The following GPLD1 variants were observed in gnomAD, a reference collection of about 807,000 sequenced individuals.
GPLD1 encodes glycosylphosphatidylinositol specific phospholipase D1.
GPLD1 carries 84 observed loss-of-function variants against 112.6 expected under a neutral mutation model. The observed-to-expected ratio is 0.75, with a 90% CI of 0.63 to 0.89. The LOEUF is 0.89. Ranked by LOEUF, GPLD1 falls within the 40% of genes least tolerant of loss-of-function variation. The pLI, the probability that GPLD1 is intolerant of heterozygous loss-of-function variation, is 0.00. For missense variants in GPLD1, 1,044 were observed against 1,051.5 expected, an observed-to-expected ratio of 0.99 and a Z score of 0.10; for synonymous variants, 386 against 403.8, an observed-to-expected ratio of 0.96 and a Z score of 0.53.
chr6:24,432,825 C>T (rs1762450053), intron 24 of GPLD1, among the ~76,000 whole-genome samples: 1 of 152,182 alleles, frequency 6.6e-6, no homozygotes, highest in Non-Finnish European at 1.5e-5. Flanking sequence ...CGGCTATGTT[C>T]CACTACAGCT....
chr6:24,443,910 C>A (rs566658047), intron 20 of GPLD1, among the ~76,000 whole-genome samples: 32 of 152,172 alleles, frequency 2.1e-4, no homozygotes, highest in African/African-American at 6.0e-4. Context: ...CTGACCTCAA[C>A]TGATCCACCC....
At chr6:24,491,258 G>A (rs952653115), upstream of GPLD1, among the ~76,000 whole-genome samples, 1 of 152,200 alleles carries the variant, frequency 6.6e-6, no homozygotes, top group South Asian at 2.1e-4. Context: ...CTGTGCGTGA[G>A]GGAGTCACAA....
intron 2 of GPLD1, among the ~76,000 whole-genome samples, chr6:24,483,368 C>G (rs902351119): frequency 1.1e-4 from 17 of 150,726 alleles, no homozygotes; most frequent in African/African-American, 3.9e-4. Flanking sequence ...AAGAAACAGA[C>G]CAGTGAAATA....
chr6:24,437,401 C>T (rs942257253), intron 20 of GPLD1, 112 bp from the exon 21 acceptor site: 19 of 1,030,010 alleles, frequency 1.8e-5, no homozygotes, highest in Admixed American at 7.0e-5. Flanking sequence ...ACAGGACAGT[C>T]GGTTTCGGAG....
intron 2 of GPLD1, among the ~76,000 whole-genome samples, chr6:24,484,359 G>A (rs760112966): frequency 1.9e-4 from 29 of 152,184 alleles, no homozygotes; most frequent in Middle Eastern, 6.8e-3. Flanking sequence ...TAGACTATAG[G>A]TGTCTGCCAC....
Position 24,443,929 on chromosome 6 carries a change from C to T in GPLD1, c.2020+1617G>A, listed in dbSNP as rs138795218. On this transcript the variant is annotated intron_variant, in intron 20 of 24. Transcript: ENST00000230036. Reference sequence around the variant, plus strand: ...CCTCAACTGATCCACCCACCTCTGCCTCCCAAAGTGCCAGGATTACAGGCG... The same window carrying T: ...CCTCAACTGATCCACCCACCTCTGCTTCCCAAAGTGCCAGGATTACAGGCG... Among the ~76,000 whole-genome samples the T allele has an allele frequency of 9.2e-5, 14 of 152,282 alleles. No homozygotes were observed. In the East Asian group the frequency reaches 2.7e-3, roughly 29 times the overall value.
At chr6:24,425,557 C>G (rs1178323824), downstream of GPLD1, 1 of 152,204 alleles carries the variant, frequency 6.6e-6, no homozygotes, top group East Asian at 1.9e-4. Context: ...CTAAAGTTCT[C>G]ATAAATAATA....
Position 24,472,600 on chromosome 6 carries a change from T to C in GPLD1, c.527A>G (p.Asn176Ser), listed in dbSNP as rs770424690. ...DVLSQFEFNF[N>S]YLARRWYVPV... Reference sequence around the variant, plus strand: ...CTCTTACCAGCGTCGTGCAAGGTAATTAAAATTAAATTCAAACTGGCTCAA... The same window carrying C: ...CTCTTACCAGCGTCGTGCAAGGTAACTAAAATTAAATTCAAACTGGCTCAA... The change falls in exon 7 of 25, where the codon AAT becomes AGT. Residue 176 changes from asparagine (N) to serine (S), a missense_variant. Asn to Ser is a conservative substitution (Grantham distance 46). Transcript: ENST00000230036. The C allele has an allele frequency of 1.9e-6, 3 of 1,596,488 alleles. No homozygotes were observed. Among genetic ancestry groups the C allele is most frequent in the East Asian group, 4.5e-5 (2 of 44,770 alleles).
intron 10 of GPLD1, among the ~76,000 whole-genome samples, chr6:24,463,431 G>A (rs1404385205): frequency 6.6e-6 from 1 of 152,196 alleles, no homozygotes; most frequent in African/African-American, 2.4e-5. Context: ...GTAATGTGGA[G>A]TGTAGGGGTG....
chr6:24,471,795 C>T (rs991718629), intron 7 of GPLD1, among the ~76,000 whole-genome samples: 1 of 152,164 alleles, frequency 6.6e-6, no homozygotes, highest in African/African-American at 2.4e-5. Flanking sequence ...TCATAGCTCA[C>T]TGAAGCCTCA....
At position 24,448,472 on chromosome 6, in the gene GPLD1, T is replaced by C. The variant is rs57218689; in HGVS notation, c.1447-264A>G. On this transcript the variant is annotated intron_variant, in intron 15 of 24. Coordinates refer to ENST00000230036, the MANE Select transcript of GPLD1 (RefSeq NM_001503.4). ...GTCAAATTATCACCACCCCCAATGA[T>C]TGGGAGCTTAATGACAGACAGAAAT... 3.5e-3 allele frequency among the ~76,000 whole-genome samples: 534 copies of C among 152,134 alleles called. 4 individuals are homozygous for C. The highest frequency in any genetic ancestry group is 0.011 in the African/African-American group (459 of 41,478).
intron 22 of GPLD1, chr6:24,435,827 A>AAAAAAAAAAG: frequency 7.1e-6 from 1 of 140,858 alleles, no homozygotes; most frequent in Admixed American, 7.0e-5. Context: ...GCTGTCTCAA[A>AAAAAAAAAAG]AAAAAAAAAA....
chr6:24,448,245 T>G, intron 15 of GPLD1, 37 bp from the exon 16 acceptor site: 7 of 1,400,354 alleles, frequency 5.0e-6, no homozygotes, highest in Non-Finnish European at 7.1e-6. Flanking sequence ...CATGAGGCTC[T>G]GGTGGTGACC....
At chr6:24,446,044 C>A (rs1762900738) in intron 18 of GPLD1, among the ~76,000 whole-genome samples, 1 of 152,110 alleles carries the variant, frequency 6.6e-6, no homozygotes, top group Admixed American at 6.5e-5. Flanking sequence ...TGCCTCCCAA[C>A]TGACAGGCCT....
In GPLD1 at chr6:24,447,073, G is replaced by C. The variant is rs188779221; in HGVS notation, c.1679-94C>G. The C allele has an allele frequency of 7.3e-4, 875 of 1,203,600 alleles. 7 individuals are homozygous for C. In the African/African-American group the frequency reaches 0.011, roughly 16 times the overall value. The allele number at this position is 1,203,600 out of a possible 1,614,324, so 74.6% of individuals were successfully genotyped here. A position where few individuals can be genotyped will look rare whatever the true frequency, so the allele number is the denominator to read the frequency against. Reference sequence around the variant, plus strand: ...GTCCTTCTCGTAGCCTAATAGAAGTGGGTTCATTTTGCTGAGTTTTTGCCA... The same window carrying C: ...GTCCTTCTCGTAGCCTAATAGAAGTCGGTTCATTTTGCTGAGTTTTTGCCA... On this transcript the variant is annotated intron_variant, in intron 17 of 24. Transcript: ENST00000230036.
chr6:24,492,981 A>G (rs1764594300), upstream of GPLD1, among the ~76,000 whole-genome samples: 4 of 152,188 alleles, frequency 2.6e-5, no homozygotes, highest in South Asian at 6.2e-4. Flanking sequence ...AATAAATTAA[A>G]CATTTGTGAG....
Position 24,467,160 on chromosome 6 carries a change from C to T in GPLD1, c.653+7G>A, listed in dbSNP as rs369598851. The T allele has an allele frequency of 2.6e-3, 3,782 of 1,479,166 alleles. 13 individuals are homozygous for T. The highest frequency in any genetic ancestry group is 3.3e-3 in the Non-Finnish European group (3,483 of 1,057,084). 91.6% of individuals were successfully genotyped at this position (1,479,166 alleles called of 1,614,324 possible). A position where few individuals can be genotyped will look rare whatever the true frequency, so the allele number is the denominator to read the frequency against. ...CAGCTGCAAATTGTCCTCTGAGTTA[C>T]GCTTACATTTCTAAGAACTGGATAT... is the stretch of plus-strand genomic sequence containing the variant. On this transcript the variant is annotated splice_region_variant and intron_variant, in intron 8 of 24. Transcript: ENST00000230036.
At chr6:24,480,790 A>C (rs577001730) in intron 2 of GPLD1, among the ~76,000 whole-genome samples, 41 of 152,284 alleles carry the variant, frequency 2.7e-4, no homozygotes, top group African/African-American at 8.9e-4. Flanking sequence ...GCTGCATGCT[A>C]TAGGCTAGAA....
intron 1 of GPLD1, 51 bp from the exon 2 acceptor site, chr6:24,486,181 A>G: frequency 9.6e-7 from 1 of 1,041,098 alleles, no homozygotes; most frequent in Non-Finnish European, 1.5e-6. Flanking sequence ...TACTGAAAAC[A>G]TAACTTAGGC....
Sources: allele counts gnomAD v4.1 joint callset (sites outside exome capture counted in the v4.1 genomes callset), GRCh38; gene constraint gnomAD v4.1.1; transcripts MANE v1.5; gene names NCBI Gene and HGNC (gene_info 2026-07-23, HGNC 2026-07-21).